NUP133: variants seen among roughly 807,000 people sequenced by gnomAD.
NUP133 encodes nuclear pore complex protein Nup133.
NUP133 carries 66 observed loss-of-function variants against 146.2 expected under a neutral mutation model. The ratio of observed to expected loss-of-function variants is 0.45; its 90% CI spans 0.37 to 0.55. The LOEUF is 0.55. NUP133 is among the 20% of genes least tolerant of loss of function. NUP133 has a pLI of 0.00. For missense variants in NUP133, 1,277 were observed against 1,374.8 expected, an observed-to-expected ratio of 0.93 and a Z score of 1.12; for synonymous variants, 521 against 498.8, an observed-to-expected ratio of 1.04 and a Z score of -0.59.
At chr1:229,462,715 G>A (rs950422448) in intron 19 of NUP133, among the ~76,000 whole-genome samples, 2 of 151,962 alleles carry the variant, frequency 1.3e-5, no homozygotes, top group African/African-American at 4.8e-5. Flanking sequence ...GTGGTGGCAT[G>A]TTTTTTAAAA....
chr1:229,475,544 A>G, intron 14 of NUP133, 94 bp downstream of exon 14: 1 of 880,422 alleles, frequency 1.1e-6, no homozygotes, highest in Non-Finnish European at 1.8e-6. Context: ...TGCCCCACCC[A>G]ATGAAACACC....
At position 229,460,726 on chromosome 1, in the gene NUP133, T is replaced by G; in HGVS notation, c.2729A>C (p.Lys910Thr). 6.2e-7 allele frequency: 1 copy of G among 1,613,994 alleles called. No individual in the cohort carries two copies. The highest frequency in any genetic ancestry group is 1.1e-5 in the South Asian group (1 of 91,018). The change falls in exon 20 of 26, where the codon AAG becomes ACG. Residue 910 changes from lysine (K) to threonine (T), a missense_variant. Transcript: ENST00000261396. Reference protein sequence around the residue: ...FLFRWYLEKGKRGKLLSQPIS... With the variant: ...FLFRWYLEKGTRGKLLSQPIS... The stretch of plus-strand genomic sequence containing the variant: ...GGGCTGAGATAATAATTTGCCTCGC[T>G]TTCCTTTCTCCAGATACCAACGGAA...
rs1188908579 is a variant in NUP133, at chr1:229,441,304, A to C, written c.*600T>G. 1 of 426,850 alleles carries C rather than the reference A, an allele frequency of 2.3e-6. No individual in the cohort carries two copies. The highest frequency in any genetic ancestry group is 4.8e-6 in the Non-Finnish European group (1 of 208,914). 26.4% of individuals were successfully genotyped at this position (426,850 alleles called of 1,614,324 possible). A position where few individuals can be genotyped will look rare whatever the true frequency, so the allele number is the denominator to read the frequency against. ...ACGTTTCATTCACTAAAATACTTTC[A>C]TTAGTGCTCATTTATTATTTATGTA... is the stretch of plus-strand genomic sequence containing the variant. On this transcript the variant is annotated 3_prime_UTR_variant, in exon 26 of 26. Transcript: ENST00000261396.
chr1:229,472,707 C>CATATACATATATAT (rs534357538), intron 14 of NUP133, among the ~76,000 whole-genome samples: 14 of 124,268 alleles, frequency 1.1e-4, no homozygotes, highest in African/African-American at 3.8e-4. Flanking sequence ...ACTAAATATA[C>CATATACATATATAT]ATATATATAT....
chr1:229,464,640 A>T lies in NUP133; in HGVS notation c.2535T>A (p.Asp845Glu). 6.2e-7 allele frequency: 1 copy of T among 1,614,170 alleles called. No individual in the cohort carries two copies. Among genetic ancestry groups the T allele is most frequent in the Non-Finnish European group, 8.5e-7 (1 of 1,179,974 alleles). ...LEMEYLQKRS[D>E]LLSPLLSLGQ... Reference sequence around the variant, plus strand: ...TGAACTTACGAAGAGGAGATAAGAGATCTGATCTTTTCTGTAGGTATTCCA... The same window carrying T: ...TGAACTTACGAAGAGGAGATAAGAGTTCTGATCTTTTCTGTAGGTATTCCA... Residue 845 changes from aspartate (D) to glutamate (E), a missense_variant, in exon 18 of 26, where the codon GAT becomes GAA. By Grantham distance (45) the Asp-to-Glu change is conservative. Around this residue, in one of 3 missense-constraint regions of NUP133, gnomAD observed 952 missense variants for 1,047.0 expected, o/e 0.91. Transcript: ENST00000261396.
In NUP133 at chr1:229,460,662, A is replaced by G. The variant is rs775305996; in HGVS notation, c.2793T>C (p.Ala931=). 3.1e-6 allele frequency: 5 copies of G among 1,614,140 alleles called. No homozygotes were observed. In the Admixed American group the frequency reaches 6.7e-5, roughly 22 times the overall value. The change falls in exon 20 of 26, where the codon GCT becomes GCC. Residue 931 remains alanine (A), a synonymous_variant. Transcript: ENST00000261396. Reference sequence around the variant, plus strand: ...CATGTAACCAGCTGAGATGTTCATGAGCTTGCAAAAAATTTGCCAACTGTC... The same window carrying G: ...CATGTAACCAGCTGAGATGTTCATGGGCTTGCAAAAAATTTGCCAACTGTC... ...QHGQLANFLQ[A]HEHLSWLHEI...
At chr1:229,483,397 GGCCA>G (rs1661264302) in intron 12 of NUP133, among the ~76,000 whole-genome samples, 1 of 152,112 alleles carries the variant, frequency 6.6e-6, no homozygotes, top group Non-Finnish European at 1.5e-5. Context: ...CACCACACCA[GGCCA>G]TAATTCTTTA....
chr1:229,464,683 C>A lies in NUP133; in HGVS notation c.2492G>T (p.Arg831Ile), dbSNP rs1660771322. 6.2e-7 allele frequency: 1 copy of A among 1,614,160 alleles called. No homozygotes were observed. Among genetic ancestry groups the A allele is most frequent in the Non-Finnish European group, 8.5e-7 (1 of 1,180,016 alleles). ...KSVDKSSNRE[R>I]YDNLEMEYLQ... ...GTATTCCATCTCCAGATTGTCATAT[C>A]TTTCCCGATTACTGGATTTATCCAC... Residue 831 changes from arginine to isoleucine, a missense_variant, in exon 18 of 26, where the codon AGA (arginine) becomes ATA (isoleucine). By Grantham distance (97) the Arg-to-Ile change is moderately conservative. Coordinates refer to ENST00000261396, the MANE Select transcript of NUP133 (RefSeq NM_018230.3).
intron 2 of NUP133, among the ~76,000 whole-genome samples, chr1:229,505,254 C>T (rs1420219554): frequency 2.0e-5 from 3 of 152,034 alleles, no homozygotes; most frequent in Admixed American, 6.6e-5. Context: ...TGACCCCAAA[C>T]GAAGTACAAG....
At chr1:229,461,458 C>G (rs935664453) in intron 19 of NUP133, among the ~76,000 whole-genome samples, 9 of 152,204 alleles carry the variant, frequency 5.9e-5, no homozygotes, top group Non-Finnish European at 1.5e-5. Context: ...ATGAATATTA[C>G]AAGAGCTGAG....
Position 229,441,741 on chromosome 1 carries a change from C to A in NUP133, c.*163G>T. Reference sequence around the variant, plus strand: ...AAGTCACATAACTGAAAACCAAAATCACAGTTACATAACTATTTTATATTA... The same window carrying A: ...AAGTCACATAACTGAAAACCAAAATAACAGTTACATAACTATTTTATATTA... On this transcript the variant is annotated 3_prime_UTR_variant, in exon 26 of 26. Coordinates refer to ENST00000261396, the MANE Select transcript of NUP133 (RefSeq NM_018230.3). The A allele has an allele frequency of 1.7e-6, 1 of 594,242 alleles. No individual in the cohort carries two copies. The highest frequency in any genetic ancestry group is 3.1e-5 in the East Asian group (1 of 31,902). The allele number at this position is 594,242 out of a possible 1,614,324, so 36.8% of individuals were successfully genotyped here. A position where few individuals can be genotyped will look rare whatever the true frequency, so the allele number is the denominator to read the frequency against.
chr1:229,458,351 A>G (rs1446622800), intron 20 of NUP133, 55 bp from the exon 21 acceptor site: 3 of 1,568,974 alleles, frequency 1.9e-6, no homozygotes, highest in African/African-American at 2.7e-5. Context: ...TCAAGCTGAA[A>G]CAAAGGTAAG....
At chr1:229,491,063 A>G (rs1260065695) in intron 8 of NUP133, among the ~76,000 whole-genome samples, 1 of 152,194 alleles carries the variant, frequency 6.6e-6, no homozygotes, top group Admixed American at 6.5e-5. Context: ...GATCAAAACA[A>G]CCATCTGATC....
intron 1 of NUP133, among the ~76,000 whole-genome samples, chr1:229,506,448 TG>T (rs545235595): frequency 7.2e-6 from 1 of 139,736 alleles, no homozygotes; most frequent in African/African-American, 2.7e-5. Flanking sequence ...ACTAGACCAG[TG>T]TTTTTTTTTT....
chr1:229,465,577 G>A (rs1660792861), intron 16 of NUP133, 58 bp from the exon 17 acceptor site: 1 of 1,292,938 alleles, frequency 7.7e-7, no homozygotes, highest in African/African-American at 1.5e-5. Context: ...CAGTATTTCT[G>A]AAGATAATTT....
intron 17 of NUP133, among the ~76,000 whole-genome samples, 189 bp downstream of exon 17, chr1:229,465,231 T>C (rs1256423407): frequency 6.6e-6 from 1 of 152,198 alleles, no homozygotes; most frequent in African/African-American, 2.4e-5. Context: ...GTTGAATACA[T>C]AAATTATAGA....
Position 229,445,050 on chromosome 1 carries a change from C to T in NUP133, c.3246-48G>A, listed in dbSNP as rs765786386. The T allele has an allele frequency of 3.1e-6, 4 of 1,281,254 alleles. No individual in the cohort carries two copies. The African/African-American group carries it at 5.9e-5, about 19-fold the overall frequency. The allele number at this position is 1,281,254 out of a possible 1,614,324, so 79.4% of individuals were successfully genotyped here. On this transcript the variant is annotated intron_variant, in intron 24 of 25. Coordinates refer to ENST00000261396, the MANE Select transcript of NUP133 (RefSeq NM_018230.3). ...GGGAAAAATGAAATCACTGATATAG[C>T]TGAATTAAATGATTTGTTTGCTATC...
At chr1:229,490,976 C>T (rs1047716775) in intron 8 of NUP133, among the ~76,000 whole-genome samples, 1 of 150,228 alleles carries the variant, frequency 6.7e-6, no homozygotes, top group Admixed American at 6.6e-5. Context: ...AAAAAAACAA[C>T]TTGTGGAATT....
At chr1:229,455,900 C>G (rs1660548688) in intron 21 of NUP133, among the ~76,000 whole-genome samples, 1 of 152,176 alleles carries the variant, frequency 6.6e-6, no homozygotes, top group Non-Finnish European at 1.5e-5. Context: ...CCAAAACATT[C>G]ACCATAACTG....
Sources: allele counts gnomAD v4.1 joint callset (sites outside exome capture counted in the v4.1 genomes callset), GRCh38; gene constraint gnomAD v4.1.1; regional missense constraint gnomAD v4.1.1; transcripts MANE v1.5; gene names NCBI Gene and HGNC (gene_info 2026-07-23, HGNC 2026-07-21).